The following PTPRD variants were observed in gnomAD, a reference collection of about 807,000 sequenced individuals.
PTPRD encodes the protein protein tyrosine phosphatase receptor type D.
Under a neutral mutation model 214.5 loss-of-function variants are expected in PTPRD, and 34 were observed. The ratio of observed to expected loss-of-function variants is 0.16; its 90% CI spans 0.12 to 0.21. The LOEUF is 0.21. Ranked by LOEUF, PTPRD falls within the 10% of genes least tolerant of loss-of-function variation. The pLI is 1.00. For missense variants in PTPRD, 2,545 were observed against 2,398.7 expected, an observed-to-expected ratio of 1.06 and a Z score of -1.27; for synonymous variants, 1,128 against 845.7, an observed-to-expected ratio of 1.33 and a Z score of -5.79.
At chr9:10,530,803 T>A (rs1465468376) in intron 2 of PTPRD, among the ~76,000 whole-genome samples, 1 of 151,976 alleles carries the variant, frequency 6.6e-6, no homozygotes, top group African/African-American at 2.4e-5. Context: ...AGATATCAAA[T>A]AAATAAATAA....
At chr9:10,598,711 G>GGTGTGTGGT (rs1555603024) in intron 2 of PTPRD, among the ~76,000 whole-genome samples, 6,859 of 136,836 alleles carry the variant, frequency 0.05, 270 homozygotes, top group Middle Eastern at 0.098. Context: ...TGTGGTGTGT[G>GGTGTGTGGT]GTGTGTGTGT....
intron 2 of PTPRD, among the ~76,000 whole-genome samples, chr9:10,570,885 T>C (rs2067214277): frequency 6.6e-6 from 1 of 151,316 alleles, no homozygotes; most frequent in African/African-American, 2.5e-5. Flanking sequence ...AGTCTTCTTT[T>C]TTTTTTTTTG....
intron 5 of PTPRD, among the ~76,000 whole-genome samples, chr9:9,932,161 G>A (rs1399312914): frequency 1.3e-5 from 2 of 148,664 alleles, no homozygotes; most frequent in African/African-American, 5.3e-5. Flanking sequence ...ACTCTAAAAT[G>A]CAGAGTGCCT....
chr9:8,958,684 T>C (rs1445020195), intron 11 of PTPRD: 1 of 152,014 alleles, frequency 6.6e-6, no homozygotes, highest in Non-Finnish European at 1.5e-5. Flanking sequence ...TAGTTATTTC[T>C]AAAACAAGTG....
At position 9,558,954 on chromosome 9, in the gene PTPRD, A is replaced by G. The variant is rs374928300; in HGVS notation, c.-237+15778T>C. On this transcript the variant is annotated intron_variant, in intron 8 of 45. Coordinates refer to ENST00000381196, the MANE Select transcript of PTPRD (RefSeq NM_002839.4). ...TAAGCCTTTTTGTAACTCTGCTACT[A>G]AGGGACTTGTACTCAGTGTACTTCA... Among the ~76,000 whole-genome samples the G allele has an allele frequency of 5.1e-4, 77 of 152,304 alleles. 1 individual carries two copies. The South Asian group carries it at 0.014, about 27-fold the overall frequency.
chr9:9,238,349 T>C (rs1321505724), intron 9 of PTPRD, among the ~76,000 whole-genome samples: 4 of 152,160 alleles, frequency 2.6e-5, no homozygotes. Context: ...TGACAAGAGA[T>C]GCAGTTTTAA....
intron 14 of PTPRD, among the ~76,000 whole-genome samples, chr9:8,554,206 C>T (rs1490993312): frequency 6.6e-6 from 1 of 151,740 alleles, no homozygotes; most frequent in Non-Finnish European, 1.5e-5. Flanking sequence ...CAAAACAAAA[C>T]AAAACCCACA....
chr9:10,595,561 G>T (rs997039109), intron 2 of PTPRD, among the ~76,000 whole-genome samples: 18 of 151,334 alleles, frequency 1.2e-4, no homozygotes, highest in Admixed American at 1.1e-3. Flanking sequence ...TTGCTACACA[G>T]ATACAGAGTC....
intron 12 of PTPRD, among the ~76,000 whole-genome samples, chr9:8,690,341 C>T (rs1003598198): frequency 2.4e-4 from 37 of 151,528 alleles, no homozygotes; most frequent in African/African-American, 1.7e-4. Context: ...TCCTGGATAA[C>T]GCAGTGAAAA....
At chr9:8,513,087 G>C (rs773441041) in intron 21 of PTPRD, among the ~76,000 whole-genome samples, 1 of 151,848 alleles carries the variant, frequency 6.6e-6, no homozygotes, top group Non-Finnish European at 1.5e-5. Context: ...ATATTTTCAA[G>C]GTAAACTAGT....
At chr9:9,360,426 C>A (rs928478173) in intron 9 of PTPRD, among the ~76,000 whole-genome samples, 3 of 151,072 alleles carry the variant, frequency 2.0e-5, no homozygotes, top group African/African-American at 7.3e-5. Context: ...ATGTTTTAAG[C>A]AAATTTATAC....
chr9:8,334,422 C>T (rs533622329), intron 43 of PTPRD, among the ~76,000 whole-genome samples: 90 of 148,180 alleles, frequency 6.1e-4, no homozygotes, highest in Non-Finnish European at 1.0e-3. Context: ...AGCTGAACCA[C>T]CTGCTCCTGA....
intron 35 of PTPRD, among the ~76,000 whole-genome samples, chr9:8,433,967 G>T (rs1315066790): frequency 6.6e-6 from 1 of 151,072 alleles, no homozygotes; most frequent in Non-Finnish European, 1.5e-5. Flanking sequence ...GTCCTACATA[G>T]GGGCACCATT....
chr9:8,846,445 A>C (rs567859128), intron 11 of PTPRD, among the ~76,000 whole-genome samples: 2 of 152,356 alleles, frequency 1.3e-5, no homozygotes, highest in African/African-American at 4.8e-5. Flanking sequence ...GAGTAAAAAT[A>C]AGCAATTACA....
chr9:10,380,929 A>C (rs2154483651), intron 2 of PTPRD, among the ~76,000 whole-genome samples: 1 of 152,120 alleles, frequency 6.6e-6, no homozygotes. Context: ...CATTGAAAAT[A>C]GTTTTTCACA....
chr9:8,777,599 G>C (rs1009561218), intron 11 of PTPRD, among the ~76,000 whole-genome samples: 5 of 152,112 alleles, frequency 3.3e-5, no homozygotes, highest in African/African-American at 1.2e-4. Flanking sequence ...ATCCCATTTT[G>C]AGTGAGTCAT....
At chr9:9,019,465 G>C (rs1212086913) in intron 10 of PTPRD, among the ~76,000 whole-genome samples, 1 of 152,168 alleles carries the variant, frequency 6.6e-6, no homozygotes, top group East Asian at 1.9e-4. Context: ...AGGACTTGGG[G>C]AGGCCAAGGC....
chr9:9,354,054 C>T (rs1436441313), intron 9 of PTPRD, among the ~76,000 whole-genome samples: 1 of 151,846 alleles, frequency 6.6e-6, no homozygotes, highest in African/African-American at 2.4e-5. Context: ...CTTGTCCCCA[C>T]ATGGCCTCCT....
At chr9:9,893,198 C>G (rs1400843822) in intron 5 of PTPRD, among the ~76,000 whole-genome samples, 2 of 151,982 alleles carry the variant, frequency 1.3e-5, no homozygotes, top group Non-Finnish European at 2.9e-5. Flanking sequence ...ACTAGTGACA[C>G]TACAAAGCAA....
Sources: gnomAD v4.1 joint callset for allele counts (sites outside exome capture counted in the v4.1 genomes callset) on GRCh38, gnomAD v4.1.1 for gene constraint, MANE v1.5 for transcripts, NCBI Gene and HGNC (gene_info 2026-07-23, HGNC 2026-07-21) for gene names.